The following POU2F2 variants were observed in gnomAD, a reference collection of about 807,000 sequenced individuals.
POU2F2 encodes POU class 2 homeobox 2.
In POU2F2, 14 loss-of-function variants were observed where a neutral mutation model predicts 63.5. The observed-to-expected ratio is 0.22, with a 90% CI of 0.15 to 0.34. POU2F2 has a LOEUF of 0.34. Ranked by LOEUF, POU2F2 falls within the 10% of genes least tolerant of loss-of-function variation. The pLI, the probability that POU2F2 is intolerant of heterozygous loss-of-function variation, is 1.00. For missense variants in POU2F2, 607 were observed against 815.2 expected (o/e 0.74, Z 3.11); for synonymous variants, 306 against 348.6 (o/e 0.88, Z 1.36).
At position 42,100,385 on chromosome 19, in the gene POU2F2, G is replaced by A. The variant is rs558192658; in HGVS notation, c.370-564C>T. On this transcript the variant is annotated intron_variant, in intron 5 of 14. Transcript: ENST00000692977. The stretch of plus-strand genomic sequence containing the variant: ...ATTACAGGCGTGAGTCACCGAACCC[G>A]GCTACCCTTTCTTTCTTGATGAAAT... 3.3e-3 allele frequency among the ~76,000 whole-genome samples: 492 copies of A among 151,130 alleles called. 3 individuals are homozygous for A. The highest frequency in any genetic ancestry group is 9.0e-3 in the Admixed American group (137 of 15,180).
At chr19:42,145,979 G>A (rs1363064791) in intron 2 of POU2F2, among the ~76,000 whole-genome samples, 1 of 143,862 alleles carries the variant, frequency 7.0e-6, no homozygotes, top group East Asian at 2.0e-4. Context: ...CTTGCAATGA[G>A]CCGAGATCGC....
intron 12 of POU2F2, 115 bp downstream of exon 12, chr19:42,093,714 A>C (rs1599928185): frequency 9.6e-7 from 1 of 1,043,248 alleles, no homozygotes; most frequent in Non-Finnish European, 1.4e-6. Context: ...CCCCACCCAC[A>C]CTCCCCAGGC....
chr19:42,138,215 A>T (rs576988651), intron 2 of POU2F2, among the ~76,000 whole-genome samples: 14 of 152,348 alleles, frequency 9.2e-5, no homozygotes, highest in Non-Finnish European at 1.9e-4. Flanking sequence ...TCAGGTGATG[A>T]TGACAGGAAG....
chr19:42,176,781 A>C (rs1036135596), upstream of POU2F2, among the ~76,000 whole-genome samples: 3 of 149,724 alleles, frequency 2.0e-5, no homozygotes, highest in African/African-American at 7.4e-5. Flanking sequence ...CCGGGCGCCG[A>C]GAGGGAGGCG....
intron 1 of POU2F2, among the ~76,000 whole-genome samples, chr19:42,181,543 C>CT (rs1413790638): frequency 1.3e-5 from 2 of 151,710 alleles, no homozygotes; most frequent in Non-Finnish European, 2.9e-5. Context: ...TATGGATGAC[C>CT]TTAATTGAGT....
chr19:42,111,935 G>T (rs2031168954), intron 5 of POU2F2, among the ~76,000 whole-genome samples: 1 of 152,214 alleles, frequency 6.6e-6, no homozygotes, highest in Admixed American at 6.5e-5. Context: ...GACCCCCAGT[G>T]GTTGGCCCTG....
chr19:42,149,190 G>A (rs2034290943), intron 2 of POU2F2, among the ~76,000 whole-genome samples: 1 of 152,178 alleles, frequency 6.6e-6, no homozygotes, highest in South Asian at 2.1e-4. Context: ...CTCAGGGCCA[G>A]CATGACTTGA....
intron 2 of POU2F2, among the ~76,000 whole-genome samples, chr19:42,145,703 G>T (rs2034216296): frequency 6.6e-6 from 1 of 152,220 alleles, no homozygotes; most frequent in Non-Finnish European, 1.5e-5. Flanking sequence ...GGGAGGCCAA[G>T]GCAGGTGGAT....
intron 1 of POU2F2, among the ~76,000 whole-genome samples, chr19:42,125,324 T>C (rs2033093354): frequency 7.3e-6 from 1 of 136,518 alleles, no homozygotes; most frequent in Non-Finnish European, 1.5e-5. Flanking sequence ...ATTGTACCAC[T>C]GCACTCCAGC....
rs1371457020 is a variant in POU2F2, at chr19:42,091,244, G to C, written c.*13C>G. ...AGGGACCAGAGGAATGGGAGGGGAG[G>C]CATGGCTGGCCCTCACTCAGGTTTG... On this transcript the variant is annotated 3_prime_UTR_variant, in exon 15 of 15. Coordinates refer to ENST00000692977, the MANE Select transcript of POU2F2 (RefSeq NM_001394376.1). The C allele has an allele frequency of 2.6e-6, 4 of 1,522,020 alleles. No homozygotes were observed. The South Asian group carries it at 4.8e-5, about 18-fold the overall frequency. 94.3% of individuals were successfully genotyped at this position (1,522,020 alleles called of 1,614,324 possible). A position where few individuals can be genotyped will look rare whatever the true frequency, so the allele number is the denominator to read the frequency against.
intron 1 of POU2F2, among the ~76,000 whole-genome samples, chr19:42,168,630 C>G (rs1178557660): frequency 1.3e-5 from 2 of 152,224 alleles, no homozygotes; most frequent in African/African-American, 4.8e-5. Context: ...AGCCCAGAAT[C>G]TGGGCCCCAG....
At chr19:42,195,007 G>A (rs1239980885) in intron 1 of POU2F2, among the ~76,000 whole-genome samples, 1 of 97,732 alleles carries the variant, frequency 1.0e-5, no homozygotes, top group Non-Finnish European at 2.1e-5. Flanking sequence ...GGAAGGGAGG[G>A]AGAGAGGGAG....
intron 1 of POU2F2, among the ~76,000 whole-genome samples, chr19:42,166,774 T>C (rs190111150): frequency 6.6e-6 from 1 of 152,136 alleles, no homozygotes; most frequent in East Asian, 1.9e-4. Context: ...GCTCTGAGGC[T>C]CAGGTAGGAG....
chr19:42,141,178 G>A (rs2034118925), intron 2 of POU2F2, among the ~76,000 whole-genome samples: 1 of 152,234 alleles, frequency 6.6e-6, no homozygotes, highest in Non-Finnish European at 1.5e-5. Flanking sequence ...TGAGCTCCTT[G>A]AGAAGAGGGC....
chr19:42,136,264 A>T (rs1280823166), upstream of POU2F2, among the ~76,000 whole-genome samples: 2 of 146,486 alleles, frequency 1.4e-5, no homozygotes, highest in Admixed American at 6.9e-5. Context: ...GGCTCACTGC[A>T]AACTCTGCCT....
At chr19:42,099,228 A>G (rs1003732819) in intron 7 of POU2F2, 5 of 340,550 alleles carry the variant, frequency 1.5e-5, no homozygotes, top group African/African-American at 1.0e-4. Context: ...GTGTTTTTAC[A>G]CATGAGCATT....
At position 42,127,354 on chromosome 19, in the gene POU2F2, C is replaced by A. The variant is rs547337967; in HGVS notation, c.29-4778G>T. ...TCCACCTGGCGACCCCCGGACTCAT[C>A]CTTCAGAACCCAGCATAAGCTCTGT... is the stretch of plus-strand genomic sequence containing the variant. On this transcript the variant is annotated intron_variant, in intron 1 of 14. Transcript: ENST00000692977. Among the ~76,000 whole-genome samples, 21 of 151,986 alleles carry A rather than the reference C, an allele frequency of 1.4e-4. 1 individual carries two copies. The South Asian group carries it at 4.4e-3, about 32-fold the overall frequency.
chr19:42,145,235 C>T (rs760130783), intron 2 of POU2F2, among the ~76,000 whole-genome samples: 8 of 152,150 alleles, frequency 5.3e-5, no homozygotes, highest in Non-Finnish European at 8.8e-5. Flanking sequence ...TCTGTAAATC[C>T]ATTTCAGTAT....
At chr19:42,193,186 G>A (rs2035092999) in intron 1 of POU2F2, among the ~76,000 whole-genome samples, 1 of 141,176 alleles carries the variant, frequency 7.1e-6, no homozygotes, top group Non-Finnish European at 1.5e-5. Flanking sequence ...CCACTGCACT[G>A]CAACCTGGGC....
Sources: allele counts gnomAD v4.1 joint callset (sites outside exome capture counted in the v4.1 genomes callset), GRCh38; gene constraint gnomAD v4.1.1; transcripts MANE v1.5; gene names NCBI Gene and HGNC (gene_info 2026-07-23, HGNC 2026-07-21).